Variants in ANKH observed in about 807,000 individuals in gnomAD.
ANKH encodes ANKH inorganic pyrophosphate transport regulator.
A neutral mutation model predicts 49.0 loss-of-function variants in ANKH; 15 were observed. The ratio of observed to expected loss-of-function variants is 0.31; its 90% CI spans 0.20 to 0.47. ANKH has a LOEUF of 0.47. Among genes scored for constraint, ANKH ranks in the 20% least tolerant of loss-of-function variants. ANKH has a pLI of 1.00. For synonymous variants in ANKH, 273 were observed against 260.0 expected (o/e 1.05, Z -0.48); for missense variants, 429 against 652.0 (o/e 0.66, Z 3.72).
intron 9 of ANKH, among the ~76,000 whole-genome samples, chr5:14,715,904 T>A (rs1286723941): frequency 1.3e-5 from 2 of 152,238 alleles, no homozygotes; most frequent in African/African-American, 4.8e-5. Context: ...TTTCTGACCA[T>A]CCATCTGGCC....
At chr5:14,825,749 G>A (rs1040882473) in intron 1 of ANKH, among the ~76,000 whole-genome samples, 6 of 152,160 alleles carry the variant, frequency 3.9e-5, no homozygotes, top group Non-Finnish European at 5.9e-5. Flanking sequence ...TGAACTGATC[G>A]TGCAGAATCT....
intron 1 of ANKH, among the ~76,000 whole-genome samples, chr5:14,844,224 G>A (rs1379662131): frequency 1.3e-5 from 2 of 152,192 alleles, no homozygotes; most frequent in Non-Finnish European, 2.9e-5. Flanking sequence ...CAGTTCTGAT[G>A]TCTTATGTAC....
chr5:14,819,542 C>T (rs1741137948), intron 1 of ANKH, among the ~76,000 whole-genome samples: 1 of 152,092 alleles, frequency 6.6e-6, no homozygotes, highest in African/African-American at 2.4e-5. Context: ...GGTGCAAGCT[C>T]CCACTGACTT....
chr5:14,776,771 G>C (rs947944771), intron 1 of ANKH, among the ~76,000 whole-genome samples: 1 of 152,196 alleles, frequency 6.6e-6, no homozygotes, highest in African/African-American at 2.4e-5. Context: ...CCAGGGCAGA[G>C]GTTCACTGTT....
At chr5:14,796,650 G>T (rs1052030085) in intron 1 of ANKH, among the ~76,000 whole-genome samples, 7 of 152,078 alleles carry the variant, frequency 4.6e-5, no homozygotes, top group African/African-American at 1.7e-4. Flanking sequence ...GTGCATCCTG[G>T]AAACTCAGGT....
At chr5:14,829,351 G>A (rs1292834092) in intron 1 of ANKH, among the ~76,000 whole-genome samples, 1 of 152,110 alleles carries the variant, frequency 6.6e-6, no homozygotes, top group African/African-American at 2.4e-5. Context: ...AAGTCCCCCT[G>A]TTCTCCTTCT....
chr5:14,783,865 G>A (rs1284246223), intron 1 of ANKH, among the ~76,000 whole-genome samples: 1 of 152,130 alleles, frequency 6.6e-6, no homozygotes, highest in Non-Finnish European at 1.5e-5. Flanking sequence ...CCCATGCTGT[G>A]CTTTCACTCT....
At chr5:14,840,036 C>T (rs1368699943) in intron 1 of ANKH, among the ~76,000 whole-genome samples, 2 of 152,052 alleles carry the variant, frequency 1.3e-5, no homozygotes, top group South Asian at 2.1e-4. Flanking sequence ...AGAAATCATC[C>T]GATAATAAGC....
intron 1 of ANKH, chr5:14,797,596 C>G: frequency 6.2e-7 from 1 of 1,609,698 alleles, no homozygotes; most frequent in Admixed American, 1.7e-5. Context: ...TGAGTGTCAA[C>G]TGAGTGGCTT....
intron 2 of ANKH, among the ~76,000 whole-genome samples, chr5:14,767,740 T>G (rs1326602007): frequency 6.6e-6 from 1 of 152,224 alleles, no homozygotes; most frequent in East Asian, 1.9e-4. Context: ...GGAACTCATT[T>G]GCTTATTTAA....
In ANKH at chr5:14,746,302, T is replaced by TC. The variant is rs1193782550; in HGVS notation, c.823-341_823-340insG. ...GAAGCCAAGATTCCTTTTTTTTTTTTTTCCTTCTCTCTTTCTTTTAATTTT... is the reference window on the plus strand; with the variant it reads ...GAAGCCAAGATTCCTTTTTTTTTTTTCTTCCTTCTCTCTTTCTTTTAATTTT... On this transcript the variant is annotated intron_variant, in intron 6 of 11. Coordinates refer to ENST00000284268, the MANE Select transcript of ANKH (RefSeq NM_054027.6). Among the ~76,000 whole-genome samples the TC allele has an allele frequency of 9.9e-5, 15 of 152,118 alleles. No individual in the cohort carries two copies. The East Asian group carries it at 2.9e-3, about 29-fold the overall frequency.
chr5:14,734,729 C>T (rs1003541992), intron 8 of ANKH, among the ~76,000 whole-genome samples: 2 of 152,220 alleles, frequency 1.3e-5, no homozygotes, highest in Non-Finnish European at 2.9e-5. Flanking sequence ...CTGTTGCTTT[C>T]AAACTCATTC....
At chr5:14,865,573 G>C (rs1283477663) in intron 1 of ANKH, among the ~76,000 whole-genome samples, 1 of 152,150 alleles carries the variant, frequency 6.6e-6, no homozygotes, top group Non-Finnish European at 1.5e-5. Context: ...ACAGATCCCT[G>C]TCATGTTCCT....
At chr5:14,798,345 T>C in intron 1 of ANKH, 1 of 1,565,040 alleles carries the variant, frequency 6.4e-7, no homozygotes. Context: ...TTTGTATTCC[T>C]TGTTGATCAC....
intron 2 of ANKH, 126 bp from the exon 3 acceptor site, chr5:14,758,724 C>A: frequency 6.4e-6 from 5 of 777,436 alleles, no homozygotes; most frequent in Admixed American, 4.0e-5. Context: ...ATTAGATAAG[C>A]AAATAGAAAA....
intron 2 of ANKH, among the ~76,000 whole-genome samples, chr5:14,764,281 T>C (rs1341568727): frequency 6.6e-6 from 1 of 151,504 alleles, no homozygotes. Flanking sequence ...GCGGTGGGAG[T>C]GATGGTGGGC....
chr5:14,718,106 A>G (rs1737539311), intron 8 of ANKH, among the ~76,000 whole-genome samples: 1 of 152,178 alleles, frequency 6.6e-6, no homozygotes, highest in African/African-American at 2.4e-5. Context: ...AAAGACGTAA[A>G]GTTCCTGAAA....
intron 1 of ANKH, among the ~76,000 whole-genome samples, chr5:14,856,272 A>G (rs544529693): frequency 6.6e-6 from 1 of 152,206 alleles, no homozygotes; most frequent in African/African-American, 2.4e-5. Flanking sequence ...AAACATAAAA[A>G]TAAAACAGGT....
intron 8 of ANKH, among the ~76,000 whole-genome samples, chr5:14,718,912 G>A (rs540846543): frequency 8.6e-5 from 13 of 151,600 alleles, no homozygotes; most frequent in Admixed American, 3.3e-4. Flanking sequence ...TAAGTTTAGG[G>A]AAGCCTACCA....
Sources: allele counts gnomAD v4.1 joint callset (sites outside exome capture counted in the v4.1 genomes callset), GRCh38; gene constraint gnomAD v4.1.1; transcripts MANE v1.5; gene names NCBI Gene and HGNC (gene_info 2026-07-23, HGNC 2026-07-21).